Variants in C1QTNF3 observed in about 807,000 individuals in gnomAD.
C1QTNF3 encodes the protein C1q and TNF related 3, also known as complement C1q tumor necrosis factor-related protein 3.
Under a neutral mutation model 32.6 loss-of-function variants are expected in C1QTNF3, and 26 were observed. The ratio of observed to expected loss-of-function variants is 0.80; its 90% CI spans 0.58 to 1.11. The LOEUF (loss-of-function observed/expected upper bound fraction) is 1.11, where lower values mean the gene tolerates loss of function less well. Among genes scored for constraint, C1QTNF3 ranks in the 50% least tolerant of loss-of-function variants. C1QTNF3 has a pLI of 0.00. For synonymous variants in C1QTNF3, 155 were observed against 146.0 expected (o/e 1.06, Z -0.44); for missense variants, 362 against 398.2 (o/e 0.91, Z 0.77).
chr5:34,035,326 TA>T (rs1160703646), intron 2 of C1QTNF3, among the ~76,000 whole-genome samples: 1 of 152,182 alleles, frequency 6.6e-6, no homozygotes, highest in African/African-American at 2.4e-5. Context: ...TAGCTGGACC[TA>T]GAGTCACACA....
the C1QTNF3 span, among the ~76,000 whole-genome samples, chr5:34,058,874 C>T: frequency 5.3e-5 from 8 of 152,264 alleles, no homozygotes; most frequent in African/African-American, 1.9e-4. Context: ...CAGGAGTCCT[C>T]TCCAACTTTC....
chr5:34,079,321 T>G, the C1QTNF3 span, among the ~76,000 whole-genome samples: 1 of 151,612 alleles, frequency 6.6e-6, no homozygotes, highest in Non-Finnish European at 1.5e-5. Context: ...AAGGAGATAA[T>G]TATGTACATA....
At chr5:34,159,187 CTCTG>C in the C1QTNF3 span, among the ~76,000 whole-genome samples, 14 of 43,888 alleles carry the variant, frequency 3.2e-4, no homozygotes, top group East Asian at 6.5e-3. Flanking sequence ...CAGAAAAAAA[CTCTG>C]TGTATTTGAA....
chr5:34,203,339 T>C, the C1QTNF3 span, among the ~76,000 whole-genome samples: 2 of 152,214 alleles, frequency 1.3e-5, no homozygotes, highest in African/African-American at 4.8e-5. Context: ...ACCTCATGTA[T>C]TAATATTAAC....
the C1QTNF3 span, among the ~76,000 whole-genome samples, chr5:34,146,752 GGCCAATAATTTTTGGCTA>G: frequency 9.1e-4 from 139 of 152,286 alleles, 1 homozygote; most frequent in African/African-American, 3.2e-3. Context: ...CAGTGGCCAT[GGCCAATAATTTTTGGCTA>G]AGTCCCCAAA....
the C1QTNF3 span, chr5:34,167,769 T>C: frequency 2.6e-5 from 4 of 152,196 alleles, no homozygotes; most frequent in African/African-American, 4.8e-5. Context: ...TCCACTAAAA[T>C]ATAATGAAGT....
At chr5:34,240,172 A>G in the C1QTNF3 span, among the ~76,000 whole-genome samples, 1 of 151,384 alleles carries the variant, frequency 6.6e-6, no homozygotes, top group African/African-American at 2.4e-5. Flanking sequence ...TTTATCATAA[A>G]GTTAGAAATA....
chr5:34,047,354 A>C (rs1755004668), upstream of C1QTNF3, among the ~76,000 whole-genome samples: 1 of 152,252 alleles, frequency 6.6e-6, no homozygotes, highest in African/African-American at 2.4e-5. Context: ...TTTGCAAGGC[A>C]GAGGGAAATA....
At chr5:34,212,558 G>GA in the C1QTNF3 span, among the ~76,000 whole-genome samples, 2 of 151,560 alleles carry the variant, frequency 1.3e-5, no homozygotes, top group Non-Finnish European at 2.9e-5. Flanking sequence ...AAATTTACAA[G>GA]AAAAAAACAA....
At chr5:34,059,264 G>C in the C1QTNF3 span, among the ~76,000 whole-genome samples, 7 of 152,244 alleles carry the variant, frequency 4.6e-5, no homozygotes, top group African/African-American at 1.7e-4. Context: ...ATGTGTGCAC[G>C]TATCTGGTGT....
chr5:34,053,611 T>C, the C1QTNF3 span, among the ~76,000 whole-genome samples: 1,025 of 152,338 alleles, frequency 6.7e-3, 11 homozygotes, highest in South Asian at 0.045. Context: ...CATGTGTATC[T>C]CTGGAAAGGA....
At chr5:34,243,491 TACC>T in the C1QTNF3 span, among the ~76,000 whole-genome samples, 14 of 152,178 alleles carry the variant, frequency 9.2e-5, no homozygotes, top group Admixed American at 9.2e-4. Context: ...TAAATTATTC[TACC>T]AGAAAAATAT....
chr5:34,219,897 A>G, the C1QTNF3 span: 2 of 152,126 alleles, frequency 1.3e-5, no homozygotes, highest in African/African-American at 4.8e-5. Flanking sequence ...GAAGGAACTA[A>G]TTGACAAGAA....
the C1QTNF3 span, among the ~76,000 whole-genome samples, chr5:34,050,307 C>T: frequency 6.6e-6 from 1 of 152,158 alleles, no homozygotes; most frequent in Non-Finnish European, 1.5e-5. Context: ...TCATTGTCTC[C>T]TTGCCTTAAA....
chr5:34,026,982 A>C (rs1754477423), intron 4 of C1QTNF3, among the ~76,000 whole-genome samples: 1 of 152,236 alleles, frequency 6.6e-6, no homozygotes, highest in South Asian at 2.1e-4. Context: ...GGCATCAGAA[A>C]AACCTGGTGA....
intron 5 of C1QTNF3, among the ~76,000 whole-genome samples, chr5:34,021,763 G>C (rs111697980): frequency 0.012 from 1,894 of 152,294 alleles, 15 homozygotes; most frequent in Middle Eastern, 0.024. Context: ...AGGACCTGTG[G>C]CAGGGTGAGG....
the C1QTNF3 span, among the ~76,000 whole-genome samples, chr5:34,090,981 T>A: frequency 6.6e-6 from 1 of 152,266 alleles, no homozygotes; most frequent in Admixed American, 6.5e-5. Context: ...AATTTTCTGT[T>A]CATTTATGTA....
At chr5:34,227,178 G>C in the C1QTNF3 span, among the ~76,000 whole-genome samples, 1 of 149,980 alleles carries the variant, frequency 6.7e-6, no homozygotes, top group Non-Finnish European at 1.5e-5. Flanking sequence ...CTCACAAGAA[G>C]ATGATTAGCA....
At chr5:34,235,546 C>CA in the C1QTNF3 span, among the ~76,000 whole-genome samples, 4 of 103,936 alleles carry the variant, frequency 3.8e-5, no homozygotes, top group African/African-American at 1.4e-4. Context: ...ATTTCTTTTT[C>CA]TTTTTTTTTT....
Sources: allele counts gnomAD v4.1 joint callset (sites outside exome capture counted in the v4.1 genomes callset), GRCh38; gene constraint gnomAD v4.1.1; transcripts MANE v1.5; gene names NCBI Gene and HGNC (gene_info 2026-07-23, HGNC 2026-07-21).